KCNIP3: variants seen among roughly 807,000 people sequenced by gnomAD.
KCNIP3 encodes the protein calsenilin.
In KCNIP3, 28 loss-of-function variants were observed where a neutral mutation model predicts 35.0. That is an observed-to-expected ratio of 0.80 (90% CI 0.59 to 1.10). KCNIP3 has a LOEUF of 1.10. KCNIP3 is among the 50% of genes least tolerant of loss of function. The pLI is 0.00. For missense variants in KCNIP3, 295 were observed against 338.4 expected (o/e 0.87, Z 1.01); for synonymous variants, 134 against 133.8 (o/e 1.00, Z -0.01).
intron 2 of KCNIP3, among the ~76,000 whole-genome samples, chr2:95,348,307 C>T (rs1350881060): frequency 1.1e-4 from 17 of 152,212 alleles, no homozygotes; most frequent in Admixed American, 1.1e-3. Context: ...CAGGGAACTT[C>T]GTGGGACATA....
chr2:95,319,166 CAG>C (rs1160630282), intron 2 of KCNIP3, among the ~76,000 whole-genome samples: 3 of 152,322 alleles, frequency 2.0e-5, no homozygotes, highest in Non-Finnish European at 4.4e-5. Flanking sequence ...AGTAGAATAA[CAG>C]GGGCTTGGAG....
At chr2:95,338,028 G>C (rs985741574) in intron 2 of KCNIP3, among the ~76,000 whole-genome samples, 1 of 152,190 alleles carries the variant, frequency 6.6e-6, no homozygotes, top group Non-Finnish European at 1.5e-5. Flanking sequence ...AGGCCTGTGG[G>C]AGGAGACACG....
At chr2:95,368,528 A>G in intron 2 of KCNIP3, 1 of 330,062 alleles carries the variant, frequency 3.0e-6, no homozygotes, top group Non-Finnish European at 6.1e-6. Flanking sequence ...ACCTATGGAA[A>G]TAAAAAAAAA....
chr2:95,302,858 G>A (rs1262430405), intron 1 of KCNIP3, among the ~76,000 whole-genome samples: 1 of 152,166 alleles, frequency 6.6e-6, no homozygotes, highest in Non-Finnish European at 1.5e-5. Context: ...ACACCCAGGG[G>A]CCCTGGTGGC....
In KCNIP3 at chr2:95,325,954, T is replaced by A. The variant is rs530784460; in HGVS notation, c.181+15434T>A. ...ACACATACACATACACACTCACACA[T>A]ACACACACTCATAGGCACACATACA... On this transcript the variant is annotated intron_variant, in intron 2 of 8. Transcript: ENST00000295225. Among the ~76,000 whole-genome samples, 570 of 138,764 alleles carry A rather than the reference T, an allele frequency of 4.1e-3. 1 individual carries two copies. The highest frequency in any genetic ancestry group is 0.011 in the Admixed American group (152 of 13,990). The allele number at this position is 138,764 out of a possible 152,430, so 91.0% of individuals were successfully genotyped here. A position where few individuals can be genotyped will look rare whatever the true frequency, so the allele number is the denominator to read the frequency against.
chr2:95,327,629 G>A (rs763319639), intron 2 of KCNIP3, among the ~76,000 whole-genome samples: 2 of 152,210 alleles, frequency 1.3e-5, no homozygotes, highest in Non-Finnish European at 1.5e-5. Flanking sequence ...TCTGTCTTGG[G>A]CAGGTGCTGG....
chr2:95,374,754 C>A, intron 3 of KCNIP3, 94 bp from the exon 4 acceptor site: 3 of 1,437,976 alleles, frequency 2.1e-6, no homozygotes, highest in Middle Eastern at 1.9e-4. Flanking sequence ...CAGGCAGCCC[C>A]CAAGGGGGTG....
At chr2:95,351,556 T>G (rs1249185814) in intron 2 of KCNIP3, among the ~76,000 whole-genome samples, 1 of 152,214 alleles carries the variant, frequency 6.6e-6, no homozygotes, top group East Asian at 1.9e-4. Context: ...GGGGTGCAGG[T>G]TTGTGGGAAG....
At chr2:95,347,158 C>T (rs765692183) in intron 2 of KCNIP3, 10 of 1,554,394 alleles carry the variant, frequency 6.4e-6, no homozygotes, top group African/African-American at 4.1e-5. Flanking sequence ...GCCGCCTCCG[C>T]CGCAGACCAG....
At chr2:95,300,577 C>CG (rs757764732) in intron 1 of KCNIP3, among the ~76,000 whole-genome samples, 1 of 151,964 alleles carries the variant, frequency 6.6e-6, no homozygotes. Context: ...GCCTGAGAGT[C>CG]GGGGGAGGGC....
At chr2:95,374,772 G>A in intron 3 of KCNIP3, 76 bp from the exon 4 acceptor site, 10 of 1,530,814 alleles carry the variant, frequency 6.5e-6, no homozygotes, top group African/African-American at 1.4e-5. Context: ...GTGGAGAGAG[G>A]CCAGCCAGGC....
At chr2:95,383,412 C>A in intron 8 of KCNIP3, 118 bp downstream of exon 8, 2 of 1,061,812 alleles carry the variant, frequency 1.9e-6, no homozygotes, top group South Asian at 1.4e-5. Context: ...CAGGATGTGG[C>A]AGCTGTCCTT....
intron 1 of KCNIP3, among the ~76,000 whole-genome samples, chr2:95,305,242 C>T (rs1297417731): frequency 6.6e-6 from 1 of 152,218 alleles, no homozygotes; most frequent in Non-Finnish European, 1.5e-5. Context: ...GACTTTTGAT[C>T]ATTCGTGAAT....
At chr2:95,345,841 C>T (rs1189969174) in intron 2 of KCNIP3, among the ~76,000 whole-genome samples, 2 of 152,242 alleles carry the variant, frequency 1.3e-5, no homozygotes, top group Non-Finnish European at 2.9e-5. Flanking sequence ...CTCTACCAGA[C>T]CCGGCAGGAA....
rs755087793 is a variant in KCNIP3 at position 95,321,658 on chromosome 2, A to T, written c.181+11138A>T. Among the ~76,000 whole-genome samples the T allele has an allele frequency of 1.2e-4, 18 of 152,184 alleles. 1 individual carries two copies. Among genetic ancestry groups the T allele is most frequent in the Admixed American group, 1.1e-3 (17 of 15,286 alleles). On this transcript the variant is annotated intron_variant, in intron 2 of 8. Transcript: ENST00000295225. The stretch of plus-strand genomic sequence containing the variant: ...ACGACAGAGCTGATTTAAGAGAAAC[A>T]CGGGGCTCTTTAGAGAGGGTGGGAA...
In KCNIP3 at chr2:95,310,496, TC is replaced by T. The variant is rs1678284629; in HGVS notation, c.159del (p.Ser54AlafsTer138). 1 of 1,595,786 alleles carries T rather than the reference TC, an allele frequency of 6.3e-7. No individual in the cohort carries two copies. The highest frequency in any genetic ancestry group is 8.5e-7 in the Non-Finnish European group (1 of 1,173,900). ...ATGCTGCCTGGTCAAGTGGATCCTG[TC>T]CAGCACAGCCCCACAGGGCTCAGGT... ...MRCCLVKWIL[S>X]STAPQGSDSS... On this transcript the variant is annotated frameshift_variant, in exon 2 of 9. Transcript: ENST00000295225. LOFTEE classifies it high-confidence loss of function.
intron 1 of KCNIP3, among the ~76,000 whole-genome samples, chr2:95,299,631 C>T (rs951950368): frequency 4.5e-4 from 69 of 152,256 alleles, no homozygotes; most frequent in Non-Finnish European, 1.3e-4. Flanking sequence ...GCGAAAGACC[C>T]GCAGTTTCTG....
chr2:95,304,835 T>C, intron 1 of KCNIP3, among the ~76,000 whole-genome samples: 1 of 152,192 alleles, frequency 6.6e-6, no homozygotes. Flanking sequence ...CCAGGAGGAC[T>C]TAGAAGGAAG....
chr2:95,347,183 G>C (rs1222459013), intron 2 of KCNIP3: 2 of 1,417,956 alleles, frequency 1.4e-6, no homozygotes, highest in African/African-American at 2.8e-5. Context: ...CTGGAGGGAG[G>C]GACCAGTACC....
Sources: allele counts gnomAD v4.1 joint callset (sites outside exome capture counted in the v4.1 genomes callset), GRCh38; gene constraint gnomAD v4.1.1; transcripts MANE v1.5; gene names NCBI Gene and HGNC (gene_info 2026-07-23, HGNC 2026-07-21).